The following IGF2 variants were observed in gnomAD, a reference collection of about 807,000 sequenced individuals.
The protein encoded by IGF2 is insulin-like growth factor 2.
IGF2 carries 2 observed loss-of-function variants against 12.0 expected under a neutral mutation model. The observed-to-expected ratio is 0.17, with a 90% CI of 0.07 to 0.52. IGF2 has a LOEUF of 0.52. IGF2 is among the 20% of genes least tolerant of loss of function. The probability of loss-of-function intolerance (pLI) is 0.95; values close to 1 mark genes in which losing one functional copy is unlikely to be tolerated. For missense variants in IGF2, 211 were observed against 268.0 expected (o/e 0.79, Z 1.48); for synonymous variants, 105 against 110.1 (o/e 0.95, Z 0.29).
Position 2,132,936 on chromosome 11 carries a change from G to T in IGF2, c.*51C>A. ...ACCTGATGGAAACGTCCGTGGTCAG[G>T]AGGAGGCTGCAGGATGGTGGCGCCG... On this transcript the variant is annotated 3_prime_UTR_variant, in exon 4 of 4. Coordinates refer to ENST00000416167, the MANE Select transcript of IGF2 (RefSeq NM_000612.6). 8.1e-7 allele frequency: 1 copy of T among 1,240,798 alleles called. No homozygotes were observed. The highest frequency in any genetic ancestry group is 1.5e-5 in the South Asian group (1 of 67,194). The allele number at this position is 1,240,798 out of a possible 1,614,324, so 76.9% of individuals were successfully genotyped here.
chr11:2,148,671 G>A, the IGF2 span: 64 of 174,546 alleles, frequency 3.7e-4, no homozygotes, highest in Non-Finnish European at 6.2e-4. The surrounding 1 kb of genome is among the most constrained non-coding windows in gnomAD (Gnocchi z 4.3). Context: ...CCAGAATCTC[G>A]GGCCCCTGGC....
At chr11:2,137,523 C>T (rs932346113) in intron 1 of IGF2, among the ~76,000 whole-genome samples, 1 of 132,996 alleles carries the variant, frequency 7.5e-6, no homozygotes, top group Admixed American at 7.2e-5. Context: ...CTGCACAGGG[C>T]AGTGAAGGGG....
intron 1 of IGF2, 24 bp downstream of exon 1, chr11:2,138,205 G>T: frequency 2.0e-6 from 2 of 983,908 alleles, no homozygotes; most frequent in Non-Finnish European, 2.4e-6. Context: ...CCCGGCCCCG[G>T]CCCGGCCCGC....
In IGF2 at chr11:2,136,164, A is replaced by G. The variant is rs545966535; in HGVS notation, c.-6-635T>C. The stretch of plus-strand genomic sequence containing the variant: ...CAGCTGAGCCAGGCCTGGGTCAAGG[A>G]CTCCAATGGTTAACACAACCACGCC... On this transcript the variant is annotated intron_variant, in intron 1 of 3. Transcript: ENST00000416167. 2.0e-5 allele frequency among the ~76,000 whole-genome samples: 3 copies of G among 151,940 alleles called. No homozygotes were observed. In the South Asian group the frequency reaches 6.2e-4, roughly 32 times the overall value.
At chr11:2,147,205 T>G in the IGF2 span, 3 of 170,040 alleles carry the variant, frequency 1.8e-5, no homozygotes, top group African/African-American at 2.4e-5. The surrounding 1 kb of genome is among the most constrained non-coding windows in gnomAD (Gnocchi z 7.2). Flanking sequence ...TCTTCCCCAA[T>G]GATATTTTCC....
At chr11:2,147,011 C>G in the IGF2 span, 2 of 153,120 alleles carry the variant, frequency 1.3e-5, no homozygotes, top group African/African-American at 4.8e-5. The surrounding 1 kb of genome is among the most constrained non-coding windows in gnomAD (Gnocchi z 7.2). Flanking sequence ...CTCAGAAGGC[C>G]TCTGGTTATT....
chr11:2,137,129 C>T, intron 1 of IGF2: 1 of 713,556 alleles, frequency 1.4e-6, no homozygotes, highest in Non-Finnish European at 1.7e-6. Flanking sequence ...CCCCCTGCTG[C>T]CCTGCCTCAG....
In IGF2 at chr11:2,132,703, G is replaced by GTGGGGATAAT; in HGVS notation, c.*274_*283dup. On this transcript the variant is annotated 3_prime_UTR_variant, in exon 4 of 4. Coordinates refer to ENST00000416167, the MANE Select transcript of IGF2 (RefSeq NM_000612.6). Reference sequence around the variant, plus strand: ...AGTTTAATGTTTTGATTTTTTATGTGTGGGGATAATTGGGGATAATTTGGG... The same window carrying GTGGGGATAAT: ...AGTTTAATGTTTTGATTTTTTATGTGTGGGGATAATTGGGGATAATTGGGGATAATTTGGG... The GTGGGGATAAT allele has an allele frequency of 6.7e-6, 2 of 298,512 alleles. No homozygotes were observed. The highest frequency in any genetic ancestry group is 1.2e-5 in the Non-Finnish European group (2 of 166,310). The allele number at this position is 298,512 out of a possible 1,614,324, so 18.5% of individuals were successfully genotyped here.
chr11:2,137,403 C>T (rs1333625162), intron 1 of IGF2: 1 of 202,792 alleles, frequency 4.9e-6, no homozygotes, highest in Non-Finnish European at 8.7e-6. Context: ...TTGCTCCCGC[C>T]CTCTCCCTCC....
At chr11:2,141,076 A>C (rs1258441509), upstream of IGF2, 1 of 235,648 alleles carries the variant, frequency 4.2e-6, no homozygotes, top group Non-Finnish European at 8.5e-6. Flanking sequence ...GGACACGGGG[A>C]AGCCCTCCCT....
rs1431996665 is a variant in IGF2 at position 2,133,974 on chromosome 11, A to G, written c.158-309T>C. Among the ~76,000 whole-genome samples the G allele has an allele frequency of 6.6e-6, 1 of 152,190 alleles. No individual in the cohort carries two copies. The highest frequency in any genetic ancestry group is 1.5e-5 in the Non-Finnish European group (1 of 68,024). On this transcript the variant is annotated intron_variant, in intron 2 of 3. Coordinates refer to ENST00000416167, the MANE Select transcript of IGF2 (RefSeq NM_000612.6). This position sits in a 1 kb window ranked among gnomAD's most constrained non-coding sequence, Gnocchi z 8.9. ...ACACCACCAGGACCAAAGGCTCACA[A>G]TGGGAGTGGTTTGGAAAATGTGTGG...
chr11:2,148,952 C>G, the IGF2 span: 1 of 625,180 alleles, frequency 1.6e-6, no homozygotes. The surrounding 1 kb of genome is among the most constrained non-coding windows in gnomAD (Gnocchi z 4.3). Flanking sequence ...CACACCCCAT[C>G]CCTGAAGTTG....
rs1227802828 is a variant in IGF2 at position 2,132,874 on chromosome 11, C to T, written c.*113G>A. 6.6e-6 allele frequency: 5 copies of T among 760,056 alleles called. No homozygotes were observed. The highest frequency in any genetic ancestry group is 1.1e-5 in the Non-Finnish European group (5 of 463,876). The allele number at this position is 760,056 out of a possible 1,614,324, so 47.1% of individuals were successfully genotyped here. A position where few individuals can be genotyped will look rare whatever the true frequency, so the allele number is the denominator to read the frequency against. ...CACGGGGACTGGGTCAGGAGAAGCC[C>T]CAGGGGGACGTGGAACCGAGAGATT... On this transcript the variant is annotated 3_prime_UTR_variant, in exon 4 of 4. Coordinates refer to ENST00000416167, the MANE Select transcript of IGF2 (RefSeq NM_000612.6).
chr11:2,147,509 T>C, the IGF2 span: 1 of 742,900 alleles, frequency 1.3e-6, no homozygotes, highest in Non-Finnish European at 1.8e-6. The surrounding 1 kb of genome is among the most constrained non-coding windows in gnomAD (Gnocchi z 7.2). Flanking sequence ...GTTCGAAGAC[T>C]CCCGCGCAGA....
intron 2 of IGF2, chr11:2,134,259 C>T (rs1175956768): frequency 2.4e-6 from 1 of 417,744 alleles, no homozygotes; most frequent in Non-Finnish European, 4.8e-6. Flanking sequence ...GGGGGCTCCA[C>T]CTTGGGGTGC....
rs745754092 is a variant in IGF2, at chr11:2,131,764, CTG to C, written c.*1221_*1222del. 1.1e-3 allele frequency: 178 copies of C among 155,278 alleles called. No individual in the cohort carries two copies. Among genetic ancestry groups the C allele is most frequent in the African/African-American group, 4.3e-3 (134 of 31,170 alleles). The allele number at this position is 155,278 out of a possible 1,614,324, so 9.6% of individuals were successfully genotyped here. On this transcript the variant is annotated 3_prime_UTR_variant, in exon 4 of 4. Transcript: ENST00000416167. Reference sequence around the variant, plus strand: ...TGTGTGCTGTGTGTGCATGTGTGTGCTGTGTCTTTGTGTGTGTGCTGTGTGCT... The same window carrying C: ...TGTGTGCTGTGTGTGCATGTGTGTGCTGTCTTTGTGTGTGTGCTGTGTGCT...
intron 1 of IGF2, among the ~76,000 whole-genome samples, chr11:2,137,902 G>A (rs1859195282): frequency 6.6e-6 from 1 of 152,148 alleles, no homozygotes; most frequent in African/African-American, 2.4e-5. Context: ...CGCAAGGCAC[G>A]AATCACACAT....
chr11:2,137,281 TC>T (rs1266508595), intron 1 of IGF2: 14 of 989,702 alleles, frequency 1.4e-5, no homozygotes, highest in Non-Finnish European at 1.7e-5. Flanking sequence ...GAAGCTAATG[TC>T]CAGTTTGCAG....
Position 2,130,374 on chromosome 11 carries a change from G to GC in IGF2, c.*2612dup. The GC allele has an allele frequency of 4.4e-6, 1 of 228,692 alleles. No individual in the cohort carries two copies. The highest frequency in any genetic ancestry group is 8.7e-6 in the Non-Finnish European group (1 of 115,252). 14.2% of individuals were successfully genotyped at this position (228,692 alleles called of 1,614,324 possible). ...TCTCCAAGGGGGCTCAGTGGCCAGT[G>GC]CCCCCCAGGAGGCTCCACCCTCAAC... On this transcript the variant is annotated 3_prime_UTR_variant, in exon 4 of 4. Coordinates refer to ENST00000416167, the MANE Select transcript of IGF2 (RefSeq NM_000612.6).
Sources: gnomAD v4.1 joint callset for allele counts (sites outside exome capture counted in the v4.1 genomes callset) on GRCh38, gnomAD v4.1.1 for gene constraint, Gnocchi (gnomAD v3.1) non-coding constraint, MANE v1.5 for transcripts, NCBI Gene and HGNC (gene_info 2026-07-23, HGNC 2026-07-21) for gene names.